QRSL1: variants seen among roughly 807,000 people sequenced by gnomAD.
QRSL1 encodes the protein glutaminyl-tRNA amidotransferase subunit QRSL1.
Under a neutral mutation model 61.6 loss-of-function variants are expected in QRSL1, and 54 were observed. That is an observed-to-expected ratio of 0.88 (90% CI 0.70 to 1.10). The LOEUF is 1.10. Among genes scored for constraint, QRSL1 ranks in the 50% least tolerant of loss-of-function variants. The pLI is 0.00. For missense variants in QRSL1, 505 were observed against 622.6 expected (o/e 0.81, Z 2.01); for synonymous variants, 228 against 225.7 (o/e 1.01, Z -0.09).
At chr6:106,632,107 C>T (rs1776844927) in intron 1 of QRSL1, among the ~76,000 whole-genome samples, 1 of 152,184 alleles carries the variant, frequency 6.6e-6, no homozygotes, top group Non-Finnish European at 1.5e-5. Flanking sequence ...ATAATGCCCT[C>T]CAGTTCCATC....
At chr6:106,659,554 G>A (rs911630497) in intron 9 of QRSL1, among the ~76,000 whole-genome samples, 4 of 150,960 alleles carry the variant, frequency 2.6e-5, no homozygotes, top group African/African-American at 9.7e-5. Flanking sequence ...GTGTATTAAT[G>A]CTTTTTCCCT....
Position 106,655,630 on chromosome 6 carries a change from T to A in QRSL1, c.1058T>A (p.Ile353Asn). 1 of 1,609,628 alleles carries A rather than the reference T, an allele frequency of 6.2e-7. No homozygotes were observed. Among genetic ancestry groups the A allele is most frequent in the Non-Finnish European group, 8.5e-7 (1 of 1,176,780 alleles). ...DGLQYGHRCDIDVSTEAMYAA... is the reference protein window; with the variant it reads ...DGLQYGHRCDNDVSTEAMYAA... ...TTGTTTTCAGGTCACAGATGTGACA[T>A]TGATGTGTCCACTGAAGCCATGTAT... is the stretch of plus-strand genomic sequence containing the variant. The change falls in exon 9 of 11, where the codon ATT becomes AAT. Residue 353 changes from isoleucine (I) to asparagine (N), a missense_variant. Ile to Asn is a moderately radical substitution (Grantham distance 149). Transcript: ENST00000369046.
At chr6:106,630,378 C>T (rs2114693568) in intron 1 of QRSL1, among the ~76,000 whole-genome samples, 1 of 151,178 alleles carries the variant, frequency 6.6e-6, no homozygotes, top group Non-Finnish European at 1.5e-5. Flanking sequence ...TCTTAATAGA[C>T]TCTTTTTAAT....
chr6:106,633,196 C>G (rs1166973134), intron 1 of QRSL1, among the ~76,000 whole-genome samples: 3 of 152,190 alleles, frequency 2.0e-5, no homozygotes, highest in African/African-American at 7.2e-5. Context: ...GCCTAGCATG[C>G]AAAATATTTG....
At chr6:106,633,115 G>A (rs1192688922) in intron 1 of QRSL1, among the ~76,000 whole-genome samples, 1 of 152,192 alleles carries the variant, frequency 6.6e-6, no homozygotes, top group East Asian at 1.9e-4. Context: ...AGCTGACCCA[G>A]GGGAAAATCC....
In QRSL1 at chr6:106,636,318, CTTT is replaced by C. The variant is rs869032477; in HGVS notation, c.25-4012_25-4010del. On this transcript the variant is annotated intron_variant, in intron 1 of 10. Coordinates refer to ENST00000369046, the MANE Select transcript of QRSL1 (RefSeq NM_018292.5). ...CCTCGGTTGAATCCCAGCTCTGCTA[CTTT>C]TTTTTTTTTTTTTTTTTTAAGACGG... Among the ~76,000 whole-genome samples, 469 of 131,764 alleles carry C rather than the reference CTTT, an allele frequency of 3.6e-3. 4 individuals carry two copies. Among genetic ancestry groups the C allele is most frequent in the African/African-American group, 0.012 (434 of 35,864 alleles). The allele number at this position is 131,764 out of a possible 152,430, so 86.4% of individuals were successfully genotyped here. A position where few individuals can be genotyped will look rare whatever the true frequency, so the allele number is the denominator to read the frequency against.
chr6:106,668,240 C>T lies in QRSL1; in HGVS notation c.*2238C>T, dbSNP rs1345529774. On this transcript the variant is annotated 3_prime_UTR_variant, in exon 11 of 11. Coordinates refer to ENST00000369046, the MANE Select transcript of QRSL1 (RefSeq NM_018292.5). The stretch of plus-strand genomic sequence containing the variant: ...GGAAATTAAAAAGTGAAACATTTAC[C>T]GTTCTCATATACTGATACCCAACTA... 7 of 151,840 alleles carry T rather than the reference C, an allele frequency of 4.6e-5. No homozygotes were observed. Among genetic ancestry groups the T allele is most frequent in the Non-Finnish European group, 1.0e-4 (7 of 68,002 alleles). The allele number at this position is 151,840 out of a possible 1,614,324, so 9.4% of individuals were successfully genotyped here.
Position 106,629,673 on chromosome 6 carries a change from A to ACGAGGACCATGCTGGGCC in QRSL1, c.-8_10dup, listed in dbSNP as rs1776769149. The ACGAGGACCATGCTGGGCC allele has an allele frequency of 6.2e-7, 1 of 1,604,798 alleles. No individual in the cohort carries two copies. Among genetic ancestry groups the ACGAGGACCATGCTGGGCC allele is most frequent in the East Asian group, 2.2e-5 (1 of 44,594 alleles). On this transcript the variant is annotated 5_prime_UTR_variant, in exon 1 of 11. The change creates a new upstream start codon in the 5' untranslated region. Transcript: ENST00000369046. The stretch of plus-strand genomic sequence containing the variant: ...TGGCTCCTGTGGTGGCAGGCTGGGC[A>ACGAGGACCATGCTGGGCC]CGAGGACCATGCTGGGCCGGAGCCT...
At chr6:106,661,531 A>AT (rs1777355132) in intron 9 of QRSL1, among the ~76,000 whole-genome samples, 3 of 152,180 alleles carry the variant, frequency 2.0e-5, no homozygotes, top group Non-Finnish European at 4.4e-5. Context: ...CTGGTGGTCA[A>AT]ATAAGAGTAA....
chr6:106,661,950 A>G (rs1459235248), intron 9 of QRSL1, among the ~76,000 whole-genome samples: 1 of 151,608 alleles, frequency 6.6e-6, no homozygotes, highest in Non-Finnish European at 1.5e-5. Context: ...GCCGCAGGTG[A>G]TCCACCCACC....
At chr6:106,634,324 G>A (rs1442643474) in intron 1 of QRSL1, among the ~76,000 whole-genome samples, 1 of 152,206 alleles carries the variant, frequency 6.6e-6, no homozygotes, top group East Asian at 1.9e-4. Context: ...GAACCTTTGA[G>A]GCCACAGTAG....
intron 5 of QRSL1, among the ~76,000 whole-genome samples, chr6:106,651,579 T>G (rs1777188271): frequency 6.6e-6 from 1 of 152,180 alleles, no homozygotes; most frequent in African/African-American, 2.4e-5. Flanking sequence ...GTTCAGAGAT[T>G]TTCATAACAA....
chr6:106,663,438 A>T (rs1298763446), intron 10 of QRSL1, among the ~76,000 whole-genome samples: 1 of 152,234 alleles, frequency 6.6e-6, no homozygotes, highest in East Asian at 1.9e-4. Flanking sequence ...CAGGAAGCTG[A>T]GCAGCTTCCA....
intron 1 of QRSL1, among the ~76,000 whole-genome samples, chr6:106,635,646 G>A (rs1167316213): frequency 1.3e-5 from 2 of 152,046 alleles, no homozygotes; most frequent in South Asian, 2.1e-4. Context: ...AGGCTGAGGC[G>A]GGCAGATCAC....
intron 9 of QRSL1, among the ~76,000 whole-genome samples, chr6:106,656,616 G>C (rs1056907021): frequency 2.6e-5 from 4 of 152,198 alleles, no homozygotes; most frequent in South Asian, 2.1e-4. Flanking sequence ...AGGGCAGAAG[G>C]CATTTTATTC....
chr6:106,636,345 G>A (rs992700360), intron 1 of QRSL1, among the ~76,000 whole-genome samples: 5 of 145,452 alleles, frequency 3.4e-5, no homozygotes, highest in African/African-American at 7.8e-5. Context: ...TTTTTAAGAC[G>A]GAGTCTCGCT....
At chr6:106,649,656 T>C (rs1777164998) in intron 5 of QRSL1, among the ~76,000 whole-genome samples, 1 of 152,216 alleles carries the variant, frequency 6.6e-6, no homozygotes, top group Non-Finnish European at 1.5e-5. Context: ...AATGCTAATA[T>C]GTATTAATAA....
chr6:106,638,628 A>G (rs986065297), intron 1 of QRSL1, among the ~76,000 whole-genome samples: 1 of 152,126 alleles, frequency 6.6e-6, no homozygotes, highest in African/African-American at 2.4e-5. Flanking sequence ...CATACAAACC[A>G]TTAGACGAAC....
At chr6:106,632,579 T>C (rs115357784) in intron 1 of QRSL1, among the ~76,000 whole-genome samples, 2,898 of 152,194 alleles carry the variant, frequency 0.019, 74 homozygotes, top group African/African-American at 0.067. Context: ...CTGTAGTAAT[T>C]TACATTTCAT....
Sources: gnomAD v4.1 joint callset for allele counts (sites outside exome capture counted in the v4.1 genomes callset) on GRCh38, gnomAD v4.1.1 for gene constraint, MANE v1.5 for transcripts, NCBI Gene and HGNC (gene_info 2026-07-23, HGNC 2026-07-21) for gene names.